The following MANEAL variants were observed in gnomAD, a reference collection of about 807,000 sequenced individuals.
MANEAL encodes the protein mannosidase endo-alpha like.
In MANEAL, 28 loss-of-function variants were observed where a neutral mutation model predicts 35.9. The ratio of observed to expected loss-of-function variants is 0.78; its 90% CI spans 0.58 to 1.07. The LOEUF (loss-of-function observed/expected upper bound fraction) is 1.07, where lower values mean the gene tolerates loss of function less well. Ranked by LOEUF, MANEAL falls within the 50% of genes least tolerant of loss-of-function variation. MANEAL has a pLI of 0.00. For missense variants in MANEAL, 576 were observed against 629.6 expected (o/e 0.91, Z 0.91); for synonymous variants, 286 against 272.2 (o/e 1.05, Z -0.50).
In MANEAL at chr1:37,799,596, AT is replaced by A; in HGVS notation, c.768del (p.Tyr256Ter). ...TYGSHGAFYRYKNSMGKSLPL... is the reference protein window; with the variant it reads ...TYGSHGAFYRXKNSMGKSLPL... ...GGCTCCCATGGTGCATTTTACCGCT[AT>A]AAGAACAGCATGGGCAAGAGCCTCC... On this transcript the variant is annotated frameshift_variant, in exon 4 of 4. Transcript: ENST00000373045. LOFTEE classifies it high-confidence loss of function. The surrounding 1 kb of genome is among the most constrained non-coding windows in gnomAD (Gnocchi z 4.1). 1.9e-6 allele frequency: 3 copies of A among 1,614,110 alleles called. No homozygotes were observed. The highest frequency in any genetic ancestry group is 2.5e-6 in the Non-Finnish European group (3 of 1,179,998).
chr1:37,795,437 G>A, intron 1 of MANEAL: 3 of 1,136,392 alleles, frequency 2.6e-6, no homozygotes, highest in Non-Finnish European at 3.3e-6. Context: ...TGGCTTCCAG[G>A]TGGGTGTGGC....
chr1:37,799,628 T>C lies in MANEAL; in HGVS notation c.799T>C (p.Phe267Leu), dbSNP rs766399661. 5.0e-6 allele frequency: 8 copies of C among 1,614,202 alleles called. No individual in the cohort carries two copies. In the South Asian group the frequency reaches 8.8e-5, roughly 18 times the overall value. The change falls in exon 4 of 4, where the codon TTT becomes CTT. Residue 267 changes from phenylalanine to leucine, a missense_variant. Around this residue, in one of 3 missense-constraint regions of MANEAL, gnomAD observed 449 missense variants for 516.1 expected, o/e 0.87. Coordinates refer to ENST00000373045, the MANE Select transcript of MANEAL (RefSeq NM_001113482.2). The surrounding 1 kb of genome is among the most constrained non-coding windows in gnomAD (Gnocchi z 4.1). Reference sequence around the variant, plus strand: ...CAGCATGGGCAAGAGCCTCCCACTCTTTTATATCTACGACTCATACCTGAC... The same window carrying C: ...CAGCATGGGCAAGAGCCTCCCACTCCTTTATATCTACGACTCATACCTGAC... ...KNSMGKSLPL[F>L]YIYDSYLTSP...
rs778967847 is a variant in MANEAL, at chr1:37,799,653, C to T, written c.824C>T (p.Thr275Met). 1.3e-5 allele frequency: 21 copies of T among 1,614,080 alleles called. No individual in the cohort carries two copies. Among genetic ancestry groups the T allele is most frequent in the South Asian group, 5.5e-5 (5 of 91,086 alleles). Residue 275 changes from threonine to methionine, a missense_variant, in exon 4 of 4, where the codon ACG becomes ATG. By Grantham distance (81) the Thr-to-Met change is moderately conservative. Around this residue, in one of 3 missense-constraint regions of MANEAL, gnomAD observed 449 missense variants for 516.1 expected, o/e 0.87. Coordinates refer to ENST00000373045, the MANE Select transcript of MANEAL (RefSeq NM_001113482.2). The surrounding 1 kb of genome is among the most constrained non-coding windows in gnomAD (Gnocchi z 4.1). ...PLFYIYDSYL[T>M]SPEAWAHLLT... Reference sequence around the variant, plus strand: ...TTTTATATCTACGACTCATACCTGACGTCCCCTGAGGCCTGGGCCCACCTC... The same window carrying T: ...TTTTATATCTACGACTCATACCTGATGTCCCCTGAGGCCTGGGCCCACCTC...
At chr1:37,796,849 G>T (rs749430068) in intron 3 of MANEAL, 29 bp downstream of exon 3, 5 of 1,590,208 alleles carry the variant, frequency 3.1e-6, no homozygotes, top group Non-Finnish European at 4.3e-6. Flanking sequence ...CCGGGATTTT[G>T]GTGGGGATCA....
At chr1:37,795,991 G>A (rs1263002222) in intron 2 of MANEAL, 145 bp downstream of exon 2, 1 of 665,234 alleles carries the variant, frequency 1.5e-6, no homozygotes, top group East Asian at 2.8e-5. Flanking sequence ...TTTTGGGGGA[G>A]GGTTCAGATA....
chr1:37,797,270 G>A (rs1003756931), intron 3 of MANEAL, among the ~76,000 whole-genome samples: 10 of 151,708 alleles, frequency 6.6e-5, no homozygotes, highest in Non-Finnish European at 7.4e-5. Flanking sequence ...GCGTGGTGGC[G>A]CACACCTGTA....
Position 37,799,640 on chromosome 1 carries a change from G to T in MANEAL, c.811G>T (p.Asp271Tyr). ...GKSLPLFYIY[D>Y]SYLTSPEAWA... ...GAGCCTCCCACTCTTTTATATCTAC[G>T]ACTCATACCTGACGTCCCCTGAGGC... Residue 271 changes from aspartate to tyrosine, a missense_variant, in exon 4 of 4, where the codon GAC becomes TAC. Transcript: ENST00000373045. The surrounding 1 kb of genome is among the most constrained non-coding windows in gnomAD (Gnocchi z 4.1). 1 of 1,614,086 alleles carries T rather than the reference G, an allele frequency of 6.2e-7. No individual in the cohort carries two copies. The highest frequency in any genetic ancestry group is 8.5e-7 in the Non-Finnish European group (1 of 1,180,034).
rs1646619390 is a variant in MANEAL, at chr1:37,794,013, G to C, written c.-170G>C. 4.2e-6 allele frequency: 1 copy of C among 236,548 alleles called. No homozygotes were observed. Among genetic ancestry groups the C allele is most frequent in the Non-Finnish European group, 7.2e-6 (1 of 139,326 alleles). The allele number at this position is 236,548 out of a possible 1,614,324, so 14.7% of individuals were successfully genotyped here. Reference sequence around the variant, plus strand: ...GGCTCGCGGCCACTTGGTCCGCGCCGCCTGCGTCCTGTGTGCCGAGCCCGC... The same window carrying C: ...GGCTCGCGGCCACTTGGTCCGCGCCCCCTGCGTCCTGTGTGCCGAGCCCGC... On this transcript the variant is annotated 5_prime_UTR_variant, in exon 1 of 4. Coordinates refer to ENST00000373045, the MANE Select transcript of MANEAL (RefSeq NM_001113482.2). The surrounding 1 kb of genome is among the most constrained non-coding windows in gnomAD (Gnocchi z 5.7).
chr1:37,796,280 A>T (rs1167697124), intron 2 of MANEAL, among the ~76,000 whole-genome samples: 1 of 152,142 alleles, frequency 6.6e-6, no homozygotes, highest in Non-Finnish European at 1.5e-5. Flanking sequence ...ATTTCCCCAC[A>T]TGTGCCAATC....
Position 37,800,302 on chromosome 1 carries a change from A to G in MANEAL, c.*99A>G. 7.1e-7 allele frequency: 1 copy of G among 1,408,380 alleles called. No homozygotes were observed. The highest frequency in any genetic ancestry group is 9.6e-7 in the Non-Finnish European group (1 of 1,039,334). The allele number at this position is 1,408,380 out of a possible 1,614,324, so 87.2% of individuals were successfully genotyped here. On this transcript the variant is annotated 3_prime_UTR_variant, in exon 4 of 4. Coordinates refer to ENST00000373045, the MANE Select transcript of MANEAL (RefSeq NM_001113482.2). ...AGGTTGTAGCCACTCACTCGTTCCC[A>G]GGTCAGAGGTCAGCAGATGGGTGTT...
Position 37,800,004 on chromosome 1 carries a change from T to C in MANEAL, c.1175T>C (p.Leu392Pro). ...KYYETALQAA[L>P]TVRPEIVSIT... is the part of the protein sequence containing the mutation. ...TATGAGACGGCCCTGCAGGCGGCCC[T>C]GACAGTGAGGCCCGAGATCGTTTCC... The change falls in exon 4 of 4, where the codon CTG becomes CCG. Residue 392 changes from leucine to proline, a missense_variant. By Grantham distance (98) the Leu-to-Pro change is moderately conservative (BLOSUM62 -3). Around this residue, in one of 3 missense-constraint regions of MANEAL, gnomAD observed 449 missense variants for 516.1 expected, o/e 0.87. Coordinates refer to ENST00000373045, the MANE Select transcript of MANEAL (RefSeq NM_001113482.2). 1 of 1,614,184 alleles carries C rather than the reference T, an allele frequency of 6.2e-7. No homozygotes were observed. The highest frequency in any genetic ancestry group is 8.5e-7 in the Non-Finnish European group (1 of 1,180,040).
At position 37,794,428 on chromosome 1, in the gene MANEAL, C is replaced by T. The variant is rs1381568418; in HGVS notation, c.246C>T (p.Gly82=). 2.9e-6 allele frequency: 4 copies of T among 1,399,636 alleles called. No homozygotes were observed. Among genetic ancestry groups the T allele is most frequent in the Non-Finnish European group, 3.8e-6 (4 of 1,062,754 alleles). The allele number at this position is 1,399,636 out of a possible 1,614,324, so 86.7% of individuals were successfully genotyped here. A position where few individuals can be genotyped will look rare whatever the true frequency, so the allele number is the denominator to read the frequency against. Reference sequence around the variant, plus strand: ...CGCCCCGCACCGCGGACCCTGGCGGCTCCCCTGGGCCGGCACCCGCGGAGG... The same window carrying T: ...CGCCCCGCACCGCGGACCCTGGCGGTTCCCCTGGGCCGGCACCCGCGGAGG... ...PPPPRTADPG[G]SPGPAPAEAE... is the part of the protein sequence containing the mutation. Residue 82 remains glycine (G), a synonymous_variant, in exon 1 of 4, where the codon GGC becomes GGT. Transcript: ENST00000373045. The surrounding 1 kb of genome is among the most constrained non-coding windows in gnomAD (Gnocchi z 5.7).
rs1646625899 is a variant in MANEAL at position 37,794,455 on chromosome 1, C to G, written c.273C>G (p.Ala91=). ...CCCCTGGGCCGGCACCCGCGGAGGC[C>G]GAGCCCGCCCCCGTGCAGAGCCTGC... The part of the protein sequence containing the change: ...GGSPGPAPAE[A]EPAPVQSLRV... Residue 91 remains alanine (A), a synonymous_variant, in exon 1 of 4, where the codon GCC becomes GCG. Transcript: ENST00000373045. This position sits in a 1 kb window ranked among gnomAD's most constrained non-coding sequence, Gnocchi z 5.7. 6.4e-7 allele frequency: 1 copy of G among 1,550,468 alleles called. No individual in the cohort carries two copies. Among genetic ancestry groups the G allele is most frequent in the Non-Finnish European group, 8.7e-7 (1 of 1,148,188 alleles).
intron 3 of MANEAL, 126 bp downstream of exon 3, chr1:37,796,946 T>C (rs1271458822): frequency 2.1e-6 from 2 of 940,586 alleles, no homozygotes; most frequent in Non-Finnish European, 3.3e-6. Flanking sequence ...TGTTTTATAG[T>C]AAGAGAGTAC....
In MANEAL at chr1:37,794,244, G is replaced by T; in HGVS notation, c.62G>T (p.Gly21Val). Residue 21 changes from glycine (G) to valine (V), a missense_variant, in exon 1 of 4, where the codon GGC becomes GTC. By Grantham distance (109) the Gly-to-Val change is moderately radical. Coordinates refer to ENST00000373045, the MANE Select transcript of MANEAL (RefSeq NM_001113482.2). This position sits in a 1 kb window ranked among gnomAD's most constrained non-coding sequence, Gnocchi z 5.7. The stretch of plus-strand genomic sequence containing the variant: ...TTCCTGGTGCTGCTCTTCGCCTTCG[G>T]CACCCTCATGGGTCTGCGCACGCTC... ...ALFLVLLFAF[G>V]TLMGLRTLKA... is the part of the protein sequence containing the mutation. 1 of 1,335,130 alleles carries T rather than the reference G, an allele frequency of 7.5e-7. No individual in the cohort carries two copies. 82.7% of individuals were successfully genotyped at this position (1,335,130 alleles called of 1,614,324 possible).
intron 2 of MANEAL, 101 bp downstream of exon 2, chr1:37,795,947 GC>G: frequency 1.0e-6 from 1 of 978,324 alleles, no homozygotes; most frequent in Middle Eastern, 2.1e-4. Context: ...CTTGGCAGTA[GC>G]CCAAAGGGAT....
chr1:37,796,295 A>G (rs1444044776), intron 2 of MANEAL, among the ~76,000 whole-genome samples: 1 of 152,168 alleles, frequency 6.6e-6, no homozygotes, highest in Non-Finnish European at 1.5e-5. Context: ...CCAATCAAGT[A>G]AGTCATCCCT....
In MANEAL at chr1:37,800,650, T is replaced by G; in HGVS notation, c.*447T>G. On this transcript the variant is annotated 3_prime_UTR_variant, in exon 4 of 4. Coordinates refer to ENST00000373045, the MANE Select transcript of MANEAL (RefSeq NM_001113482.2). Reference sequence around the variant, plus strand: ...CCCACATCATCTGTCTTCTCTAAGTTAGGGAACCATATTTGAGACTTTCAA... The same window carrying G: ...CCCACATCATCTGTCTTCTCTAAGTGAGGGAACCATATTTGAGACTTTCAA... 1 of 175,736 alleles carries G rather than the reference T, an allele frequency of 5.7e-6. No homozygotes were observed. The highest frequency in any genetic ancestry group is 1.2e-5 in the Non-Finnish European group (1 of 81,520). The allele number at this position is 175,736 out of a possible 1,614,324, so 10.9% of individuals were successfully genotyped here.
In MANEAL at chr1:37,794,283, G is replaced by A; in HGVS notation, c.101G>A (p.Gly34Glu). The change falls in exon 1 of 4, where the codon GGA becomes GAA. Residue 34 changes from glycine (G) to glutamate (E), a missense_variant. Gly to Glu is a moderately conservative substitution (Grantham distance 98, BLOSUM62 -2). This residue lies in a region of MANEAL where 122 missense variants were observed against 97.2 expected (regional missense o/e 1.26). Coordinates refer to ENST00000373045, the MANE Select transcript of MANEAL (RefSeq NM_001113482.2). This position sits in a 1 kb window ranked among gnomAD's most constrained non-coding sequence, Gnocchi z 5.7. The part of the protein sequence containing the change: ...MGLRTLKAPD[G>E]LPALGPGLEL... ...CTGCGCACGCTCAAGGCTCCGGACG[G>A]ACTCCCGGCGCTGGGCCCGGGCCTG... The A allele has an allele frequency of 1.6e-6, 2 of 1,250,974 alleles. No homozygotes were observed. Among genetic ancestry groups the A allele is most frequent in the Non-Finnish European group, 2.0e-6 (2 of 985,006 alleles). 77.5% of individuals were successfully genotyped at this position (1,250,974 alleles called of 1,614,324 possible). A position where few individuals can be genotyped will look rare whatever the true frequency, so the allele number is the denominator to read the frequency against.
Sources: allele counts gnomAD v4.1 joint callset (sites outside exome capture counted in the v4.1 genomes callset), GRCh38; gene constraint gnomAD v4.1.1; regional missense constraint gnomAD v4.1.1; non-coding constraint Gnocchi (gnomAD v3.1); transcripts MANE v1.5; gene names NCBI Gene and HGNC (gene_info 2026-07-23, HGNC 2026-07-21).